SAMD5: variants seen among roughly 807,000 people sequenced by gnomAD.
SAMD5 encodes the protein sterile alpha motif domain containing 5.
A neutral mutation model predicts 11.3 loss-of-function variants in SAMD5; 13 were observed. The observed-to-expected ratio is 1.15, with a 90% CI of 0.75 to 1.83. The LOEUF (loss-of-function observed/expected upper bound fraction) is 1.83, where lower values mean the gene tolerates loss of function less well. SAMD5 is among the 40% of genes most tolerant of loss of function. The pLI is 0.00. For missense variants in SAMD5, 255 were observed against 239.1 expected, an observed-to-expected ratio of 1.07 and a Z score of -0.44; for synonymous variants, 129 against 111.3, an observed-to-expected ratio of 1.16 and a Z score of -1.00.
At chr6:147,625,099 A>T (rs1187683948) in intron 1 of SAMD5, among the ~76,000 whole-genome samples, 3 of 152,030 alleles carry the variant, frequency 2.0e-5, no homozygotes, top group Non-Finnish European at 4.4e-5. Flanking sequence ...CAGTTAGTCG[A>T]TTGGTGTGGT....
chr6:147,911,399 T>A, the SAMD5 span, among the ~76,000 whole-genome samples: 1 of 152,004 alleles, frequency 6.6e-6, no homozygotes, highest in Admixed American at 6.5e-5. Flanking sequence ...CAAGTTAGAG[T>A]GAAATGAAAC....
At chr6:147,776,401 A>G in the SAMD5 span, among the ~76,000 whole-genome samples, 223 of 152,178 alleles carry the variant, frequency 1.5e-3, 1 homozygote, top group African/African-American at 4.7e-3. Flanking sequence ...TTGTACTCTC[A>G]CCAAGAAAAA....
chr6:147,825,943 G>A, the SAMD5 span, among the ~76,000 whole-genome samples: 1 of 152,296 alleles, frequency 6.6e-6, no homozygotes, highest in East Asian at 1.9e-4. Flanking sequence ...AATCCCACCT[G>A]TGTTTCCTGC....
chr6:147,804,832 A>G, the SAMD5 span, among the ~76,000 whole-genome samples: 3 of 152,218 alleles, frequency 2.0e-5, no homozygotes, highest in Admixed American at 6.5e-5. Flanking sequence ...TGCTCCCAGC[A>G]TATAAATAAC....
rs1789061539 is a variant in SAMD5, at chr6:147,567,537, G to A, written c.*3081G>A. 1 of 918,276 alleles carries A rather than the reference G, an allele frequency of 1.1e-6. No homozygotes were observed. 56.9% of individuals were successfully genotyped at this position (918,276 alleles called of 1,614,324 possible). On this transcript the variant is annotated 3_prime_UTR_variant, in exon 2 of 2. Coordinates refer to ENST00000367474, the MANE Select transcript of SAMD5 (RefSeq NM_001030060.3). The stretch of plus-strand genomic sequence containing the variant: ...TTCTTTTCCCTTGTCTGTAAAATGG[G>A]AAAAATAAATACCTCTATAGCTCTT...
chr6:147,540,942 T>TGG lies in SAMD5; in HGVS notation c.460-23452_460-23451insGG, dbSNP rs1562316013. 6.6e-4 allele frequency among the ~76,000 whole-genome samples: 82 copies of TGG among 123,844 alleles called. 1 individual carries two copies. The highest frequency in any genetic ancestry group is 2.6e-3 in the African/African-American group (72 of 27,486). The allele number at this position is 123,844 out of a possible 152,430, so 81.2% of individuals were successfully genotyped here. A position where few individuals can be genotyped will look rare whatever the true frequency, so the allele number is the denominator to read the frequency against. The stretch of plus-strand genomic sequence containing the variant: ...GGGGTTCAAGCCACGCGTTTTTTTT[T>TGG]TTTTTTTTTTTTTTTTTTGAGAAGG... On this transcript the variant is annotated intron_variant, in intron 1 of 1. Transcript: ENST00000367474.
At chr6:147,578,501 A>T (rs1789249855) in intron 1 of SAMD5, among the ~76,000 whole-genome samples, 1 of 152,216 alleles carries the variant, frequency 6.6e-6, no homozygotes, top group African/African-American at 2.4e-5. Flanking sequence ...CCATGAGAAT[A>T]TGTCTTTATA....
chr6:147,636,164 G>A (rs1036848791), intron 1 of SAMD5, among the ~76,000 whole-genome samples: 8 of 152,080 alleles, frequency 5.3e-5, no homozygotes, highest in Non-Finnish European at 8.8e-5. Flanking sequence ...TAGAAGACAC[G>A]ATAAAATCTG....
At chr6:147,645,094 C>T (rs996202442) in intron 1 of SAMD5, among the ~76,000 whole-genome samples, 27 of 152,244 alleles carry the variant, frequency 1.8e-4, no homozygotes, top group African/African-American at 4.6e-4. Context: ...CCAGAATCCC[C>T]GGACTTTAAC....
At chr6:147,769,991 C>T in the SAMD5 span, among the ~76,000 whole-genome samples, 9 of 152,138 alleles carry the variant, frequency 5.9e-5, no homozygotes, top group African/African-American at 1.7e-4. Context: ...GCATCCTTCC[C>T]GTAAGCTGTA....
At chr6:147,636,320 C>G (rs1245236255) in intron 1 of SAMD5, among the ~76,000 whole-genome samples, 1 of 152,012 alleles carries the variant, frequency 6.6e-6, no homozygotes, top group African/African-American at 2.4e-5. Flanking sequence ...CTCCAAACAC[C>G]AAGAAATGCC....
chr6:147,726,442 C>T (rs538940189), intron 1 of SAMD5, among the ~76,000 whole-genome samples: 59 of 152,282 alleles, frequency 3.9e-4, no homozygotes, highest in African/African-American at 1.2e-3. Flanking sequence ...GTTGCTTATA[C>T]GGAGACCCAG....
the SAMD5 span, among the ~76,000 whole-genome samples, chr6:147,844,668 TAA>T: frequency 7.8e-4 from 113 of 145,490 alleles, 1 homozygote; most frequent in African/African-American, 2.3e-3. Flanking sequence ...TAAAACAATT[TAA>T]AAAAAAAAAA....
Position 147,565,879 on chromosome 6 carries a change from A to G in SAMD5, c.*1423A>G. ...CGTACAACTGGCTCCTGAGGCTGTCAATTGTTTAGAGCTCCCAAGTAGTAC... is the reference window on the plus strand; with the variant it reads ...CGTACAACTGGCTCCTGAGGCTGTCGATTGTTTAGAGCTCCCAAGTAGTAC... On this transcript the variant is annotated 3_prime_UTR_variant, in exon 2 of 2. Transcript: ENST00000367474. 2 of 985,424 alleles carry G rather than the reference A, an allele frequency of 2.0e-6. No individual in the cohort carries two copies. The highest frequency in any genetic ancestry group is 2.4e-6 in the Non-Finnish European group (2 of 829,926). The allele number at this position is 985,424 out of a possible 1,614,324, so 61.0% of individuals were successfully genotyped here. A position where few individuals can be genotyped will look rare whatever the true frequency, so the allele number is the denominator to read the frequency against.
chr6:147,894,839 A>T, the SAMD5 span, among the ~76,000 whole-genome samples: 1 of 152,216 alleles, frequency 6.6e-6, no homozygotes, highest in African/African-American at 2.4e-5. Flanking sequence ...CTACCTCTCC[A>T]GCAAGTGGCA....
chr6:147,790,727 G>A, the SAMD5 span, among the ~76,000 whole-genome samples: 3 of 133,264 alleles, frequency 2.3e-5, no homozygotes, highest in Non-Finnish European at 3.2e-5. Context: ...AAGATGAATT[G>A]GTCGATCTCT....
chr6:147,614,377 G>A (rs1789834983), intron 1 of SAMD5, among the ~76,000 whole-genome samples: 1 of 151,688 alleles, frequency 6.6e-6, no homozygotes, highest in East Asian at 1.9e-4. Context: ...GCTGAGGCAG[G>A]AGAATCAGTT....
At chr6:147,882,525 C>T in the SAMD5 span, among the ~76,000 whole-genome samples, 29 of 152,162 alleles carry the variant, frequency 1.9e-4, no homozygotes, top group African/African-American at 7.0e-4. Flanking sequence ...GGCTGCAGTG[C>T]GCTATGTTTG....
At chr6:147,739,362 C>T (rs1363704551), downstream of SAMD5, among the ~76,000 whole-genome samples, 1 of 152,152 alleles carries the variant, frequency 6.6e-6, no homozygotes, top group Non-Finnish European at 1.5e-5. Flanking sequence ...TTGGGAGGCG[C>T]AGGCCGGAAG....
Sources: gnomAD v4.1 joint callset for allele counts (sites outside exome capture counted in the v4.1 genomes callset) on GRCh38, gnomAD v4.1.1 for gene constraint, MANE v1.5 for transcripts, NCBI Gene and HGNC (gene_info 2026-07-23, HGNC 2026-07-21) for gene names.